TXNDC8: variants seen among roughly 807,000 people sequenced by gnomAD.
TXNDC8 encodes thioredoxin domain containing 8.
Under a neutral mutation model 12.9 loss-of-function variants are expected in TXNDC8, and 15 were observed. The ratio of observed to expected loss-of-function variants is 1.16; its 90% CI spans 0.78 to 1.79. TXNDC8 has a LOEUF of 1.79. TXNDC8 is among the 40% of genes most tolerant of loss of function. The probability of loss-of-function intolerance (pLI) is 0.00; values close to 1 mark genes in which losing one functional copy is unlikely to be tolerated. For synonymous variants in TXNDC8, 40 were observed against 35.4 expected (o/e 1.13, Z -0.46); for missense variants, 128 against 113.2 (o/e 1.13, Z -0.59).
At position 110,337,761 on chromosome 9, in the gene TXNDC8, A is replaced by G. The variant is rs760620424; in HGVS notation, c.24+12T>C. 1 of 1,613,838 alleles carries G rather than the reference A, an allele frequency of 6.2e-7. No individual in the cohort carries two copies. The highest frequency in any genetic ancestry group is 1.1e-5 in the South Asian group (1 of 91,044). On this transcript the variant is annotated intron_variant, in intron 1 of 4. Transcript: ENST00000423740. ...CATTTGAAATACTCAGTGAAGCCAA[A>G]TAAATACTTGCCGTGTCTTTAATAA...
At chr9:110,322,192 T>G (rs371829211) in intron 3 of TXNDC8, among the ~76,000 whole-genome samples, 2,404 of 152,286 alleles carry the variant, frequency 0.016, 27 homozygotes, top group Non-Finnish European at 0.027. Flanking sequence ...AAGTTTTTTT[T>G]TTTTTAAATT....
At chr9:110,323,849 C>T (rs749049457) in intron 3 of TXNDC8, 9 of 1,546,892 alleles carry the variant, frequency 5.8e-6, no homozygotes, top group Admixed American at 2.0e-5. Flanking sequence ...AATTCAAATC[C>T]AGTGATATCA....
chr9:110,337,515 T>C (rs1162863834), intron 1 of TXNDC8, among the ~76,000 whole-genome samples: 1 of 152,202 alleles, frequency 6.6e-6, no homozygotes, highest in Non-Finnish European at 1.5e-5. Context: ...GGAGCTGGTC[T>C]GGGATTCACC....
At chr9:110,327,035 A>G (rs1215107886) in intron 2 of TXNDC8, among the ~76,000 whole-genome samples, 1 of 151,876 alleles carries the variant, frequency 6.6e-6, no homozygotes, top group Non-Finnish European at 1.5e-5. Flanking sequence ...CTGATACATA[A>G]ATTACTATTA....
At chr9:110,308,544 T>A (rs1838545547) in intron 3 of TXNDC8, among the ~76,000 whole-genome samples, 1 of 152,142 alleles carries the variant, frequency 6.6e-6, no homozygotes, top group Admixed American at 6.6e-5. Context: ...TGCTCAAATC[T>A]GAGTGAGAAT....
intron 3 of TXNDC8, among the ~76,000 whole-genome samples, chr9:110,325,142 C>T (rs762430184): frequency 6.6e-6 from 1 of 151,624 alleles, no homozygotes; most frequent in South Asian, 2.1e-4. Context: ...AAAAAAAGAA[C>T]AAAGTACTAG....
chr9:110,326,137 A>G, intron 3 of TXNDC8, 38 bp downstream of exon 4: 1 of 1,610,366 alleles, frequency 6.2e-7, no homozygotes, highest in African/African-American at 1.3e-5. Flanking sequence ...ATGGTTCTAT[A>G]ATCTAATTCA....
chr9:110,333,420 A>G (rs1198176969), intron 2 of TXNDC8, among the ~76,000 whole-genome samples: 1 of 152,144 alleles, frequency 6.6e-6, no homozygotes, highest in Non-Finnish European at 1.5e-5. Flanking sequence ...CCCCTACCCT[A>G]AGCCCTAGTC....
intron 3 of TXNDC8, among the ~76,000 whole-genome samples, chr9:110,325,417 C>A (rs1222388907): frequency 6.6e-6 from 1 of 151,962 alleles, no homozygotes; most frequent in Non-Finnish European, 1.5e-5. Context: ...TCATGGGAAC[C>A]TGAATCCCGA....
At chr9:110,305,018 T>C (rs1030598822) in intron 3 of TXNDC8, among the ~76,000 whole-genome samples, 1 of 151,606 alleles carries the variant, frequency 6.6e-6, no homozygotes, top group Non-Finnish European at 1.5e-5. Context: ...CGTGGTGGTG[T>C]GCACCTGTAA....
At chr9:110,302,872 T>C (rs1838295858), downstream of TXNDC8, among the ~76,000 whole-genome samples, 1 of 152,154 alleles carries the variant, frequency 6.6e-6, no homozygotes, top group Admixed American at 6.5e-5. Context: ...GAGACCAGCC[T>C]GGACAACATA....
chr9:110,302,551 C>G (rs1025950197), downstream of TXNDC8, among the ~76,000 whole-genome samples: 1 of 152,118 alleles, frequency 6.6e-6, no homozygotes, highest in Non-Finnish European at 1.5e-5. Flanking sequence ...CAGTGTTTAT[C>G]TGGTGCAGCC....
intron 3 of TXNDC8, among the ~76,000 whole-genome samples, chr9:110,309,648 T>A (rs192927391): frequency 1.1e-3 from 160 of 152,204 alleles, no homozygotes; most frequent in Admixed American, 2.1e-3. Flanking sequence ...AAAAGTAATT[T>A]AAAAAAAGGC....
intron 3 of TXNDC8, among the ~76,000 whole-genome samples, chr9:110,324,338 A>G (rs993943196): frequency 6.6e-6 from 1 of 152,252 alleles, no homozygotes; most frequent in Non-Finnish European, 1.5e-5. Flanking sequence ...GTAAAAATCC[A>G]AATGAGGGAA....
chr9:110,302,792 G>A (rs994878569), downstream of TXNDC8, among the ~76,000 whole-genome samples: 2 of 152,234 alleles, frequency 1.3e-5, no homozygotes, highest in African/African-American at 4.8e-5. Flanking sequence ...GGCTGGGCAT[G>A]GTGGCTCATG....
chr9:110,314,438 C>CTTTTTTCT (rs1554702557), intron 3 of TXNDC8, among the ~76,000 whole-genome samples: 5 of 124,668 alleles, frequency 4.0e-5, no homozygotes, highest in African/African-American at 1.5e-4. Context: ...TTTCTTTTTT[C>CTTTTTTCT]TTTTTTTTTT....
intron 1 of TXNDC8, among the ~76,000 whole-genome samples, chr9:110,335,233 T>A (rs926912038): frequency 1.2e-4 from 18 of 152,200 alleles, no homozygotes; most frequent in African/African-American, 4.3e-4. Context: ...TTTATTTTTA[T>A]TTTAATTTAA....
chr9:110,322,881 T>C, intron 3 of TXNDC8: 1 of 985,450 alleles, frequency 1.0e-6, no homozygotes, highest in Non-Finnish European at 1.2e-6. Flanking sequence ...CACTTGGGAT[T>C]CTTCTAGTCA....
At chr9:110,329,618 G>C (rs1839475323) in intron 2 of TXNDC8, among the ~76,000 whole-genome samples, 1 of 152,216 alleles carries the variant, frequency 6.6e-6, no homozygotes, top group South Asian at 2.1e-4. Context: ...GGATAGTAGA[G>C]TAGCTTTCTC....
Sources: allele counts gnomAD v4.1 joint callset (sites outside exome capture counted in the v4.1 genomes callset), GRCh38; gene constraint gnomAD v4.1.1; transcripts MANE v1.5; gene names NCBI Gene and HGNC (gene_info 2026-07-23, HGNC 2026-07-21).